RBFOX1: variants seen among roughly 807,000 people sequenced by gnomAD.
RBFOX1 encodes RNA binding fox-1 homolog 1.
Under a neutral mutation model 57.7 loss-of-function variants are expected in RBFOX1, and 8 were observed. That is an observed-to-expected ratio of 0.14 (90% confidence interval 0.08 to 0.25). The LOEUF is 0.25. RBFOX1 is among the 10% of genes least tolerant of loss of function. The pLI is 1.00. For synonymous variants in RBFOX1, 326 were observed against 222.4 expected, an observed-to-expected ratio of 1.47 and a Z score of -4.15; for missense variants, 611 against 548.5, an observed-to-expected ratio of 1.11 and a Z score of -1.14.
Position 5,394,584 on chromosome 16 carries a change from C to T in RBFOX1, c.220-72632C>T, listed in dbSNP as rs1353311940. Reference sequence around the variant, plus strand: ...TTCTGTCTTTTTTTTTTTTTTTTGACAGGATCTTGCTCTGTTGCCCAGGCT... The same window carrying T: ...TTCTGTCTTTTTTTTTTTTTTTTGATAGGATCTTGCTCTGTTGCCCAGGCT... On this transcript the variant is annotated intron_variant, in intron 1 of 2. Transcript: ENST00000585867. 1.5e-4 allele frequency among the ~76,000 whole-genome samples: 20 copies of T among 130,986 alleles called. No individual in the cohort carries two copies. The South Asian group carries it at 2.2e-3, about 14-fold the overall frequency. The allele number at this position is 130,986 out of a possible 152,430, so 85.9% of individuals were successfully genotyped here. A position where few individuals can be genotyped will look rare whatever the true frequency, so the allele number is the denominator to read the frequency against.
chr16:5,291,703 G>T (rs986829084), intron 1 of RBFOX1, among the ~76,000 whole-genome samples: 1 of 152,226 alleles, frequency 6.6e-6, no homozygotes, highest in South Asian at 2.1e-4. Flanking sequence ...ACACAGGCCA[G>T]TCAGGAGGCA....
chr16:6,642,479 A>G (rs1352015673), intron 2 of RBFOX1, among the ~76,000 whole-genome samples: 1 of 151,972 alleles, frequency 6.6e-6, no homozygotes, highest in Non-Finnish European at 1.5e-5. Flanking sequence ...ACTATGTTTA[A>G]TTGTGCTGAG....
intron 1 of RBFOX1, among the ~76,000 whole-genome samples, chr16:6,252,969 A>C (rs2097631517): frequency 6.6e-6 from 1 of 152,172 alleles, no homozygotes; most frequent in African/African-American, 2.4e-5. Flanking sequence ...TTAGTGATAT[A>C]ATGCTTTCTT....
At chr16:5,772,237 C>T (rs115065829) in intron 3 of RBFOX1, among the ~76,000 whole-genome samples, 2,515 of 152,210 alleles carry the variant, frequency 0.017, 63 homozygotes, top group African/African-American at 0.055. Flanking sequence ...AGAGACTCAC[C>T]GGTTGCCGGA....
intron 2 of RBFOX1, among the ~76,000 whole-genome samples, chr16:6,487,569 T>A (rs1435457172): frequency 6.7e-6 from 1 of 150,038 alleles, no homozygotes; most frequent in African/African-American, 2.5e-5. Flanking sequence ...GAAGAATCTG[T>A]CGGCAAGCTC....
intron 3 of RBFOX1, among the ~76,000 whole-genome samples, chr16:5,816,601 T>G (rs1012779373): frequency 1.3e-5 from 2 of 152,086 alleles, no homozygotes; most frequent in African/African-American, 4.8e-5. Context: ...CTGGGCAACA[T>G]AGTTAAACTT....
At chr16:5,543,579 G>C (rs1478102798) in intron 2 of RBFOX1, among the ~76,000 whole-genome samples, 3 of 152,258 alleles carry the variant, frequency 2.0e-5, no homozygotes, top group Middle Eastern at 3.4e-3. Flanking sequence ...TGTAGATGAA[G>C]TCCCTAAAGG....
chr16:6,197,432 G>T (rs77684424), intron 1 of RBFOX1, among the ~76,000 whole-genome samples: 1 of 152,190 alleles, frequency 6.6e-6, no homozygotes, highest in East Asian at 1.9e-4. Context: ...GCTTACCCAT[G>T]TTGGGGACCT....
chr16:5,650,057 C>G (rs1567346339), intron 3 of RBFOX1, among the ~76,000 whole-genome samples: 1 of 152,328 alleles, frequency 6.6e-6, no homozygotes, highest in East Asian at 1.9e-4. Context: ...GCTGCTTAAG[C>G]AAACACAAGT....
intron 3 of RBFOX1, among the ~76,000 whole-genome samples, chr16:5,636,554 A>G (rs2048692585): frequency 6.6e-6 from 1 of 151,838 alleles, no homozygotes; most frequent in African/African-American, 2.4e-5. Flanking sequence ...CAGGGTTGTC[A>G]TGTTTTTCTG....
intron 3 of RBFOX1, among the ~76,000 whole-genome samples, chr16:5,622,556 T>A (rs1392368702): frequency 6.6e-6 from 1 of 152,254 alleles, no homozygotes; most frequent in Admixed American, 6.5e-5. Flanking sequence ...CTAGTGGTAC[T>A]TTTTAAAAAA....
chr16:7,533,768 T>C (rs1201941910), intron 5 of RBFOX1, among the ~76,000 whole-genome samples: 1 of 152,234 alleles, frequency 6.6e-6, no homozygotes, highest in Non-Finnish European at 1.5e-5. Context: ...TGAAATATCG[T>C]AAGTTAGGAA....
At chr16:5,980,756 C>T (rs2060155713) in intron 4 of RBFOX1, among the ~76,000 whole-genome samples, 1 of 152,082 alleles carries the variant, frequency 6.6e-6, no homozygotes, top group Non-Finnish European at 1.5e-5. Context: ...GTGTGTGCGT[C>T]TGTGAATGGG....
rs537143382 is a variant in RBFOX1 at position 7,263,499 on chromosome 16, C to T, written c.27+211401C>T. Among the ~76,000 whole-genome samples the T allele has an allele frequency of 2.6e-5, 4 of 152,212 alleles. 1 individual carries two copies. The South Asian group carries it at 8.3e-4, about 32-fold the overall frequency. On this transcript the variant is annotated intron_variant, in intron 4 of 15. Transcript: ENST00000550418. The stretch of plus-strand genomic sequence containing the variant: ...TAAACCAGTGTCTCTGGATTTGGAG[C>T]CAGAGTACCTACAGTATTGTAGTTC...
intron 1 of RBFOX1, among the ~76,000 whole-genome samples, chr16:6,125,298 G>A (rs970927921): frequency 1.3e-5 from 2 of 152,190 alleles, no homozygotes; most frequent in African/African-American, 4.8e-5. Flanking sequence ...GGAGGATAGA[G>A]ATGGAGGAGA....
At chr16:5,907,830 A>G (rs983532805) in intron 4 of RBFOX1, among the ~76,000 whole-genome samples, 3 of 151,920 alleles carry the variant, frequency 2.0e-5, no homozygotes, top group Admixed American at 2.0e-4. Context: ...AGCTCACTAT[A>G]GCCTCTGCCT....
chr16:7,042,373 G>T (rs1183659584), intron 3 of RBFOX1, among the ~76,000 whole-genome samples: 2 of 152,148 alleles, frequency 1.3e-5, no homozygotes, highest in Non-Finnish European at 2.9e-5. Context: ...AGGAAACCTA[G>T]TCAACCCATC....
intron 5 of RBFOX1, among the ~76,000 whole-genome samples, chr16:7,523,606 T>G (rs932367379): frequency 3.3e-5 from 5 of 152,168 alleles, no homozygotes; most frequent in African/African-American, 1.2e-4. Context: ...TACACACTCT[T>G]AGAGGTAGGA....
intron 2 of RBFOX1, among the ~76,000 whole-genome samples, chr16:5,477,025 A>T (rs1025058757): frequency 6.6e-6 from 1 of 152,158 alleles, no homozygotes; most frequent in African/African-American, 2.4e-5. Flanking sequence ...TTATTTATTT[A>T]TTTTTTTGAG....
Sources: allele counts gnomAD v4.1 joint callset (sites outside exome capture counted in the v4.1 genomes callset), GRCh38; gene constraint gnomAD v4.1.1; transcripts MANE v1.5; gene names NCBI Gene and HGNC (gene_info 2026-07-23, HGNC 2026-07-21).